CAST: variants seen among roughly 807,000 people sequenced by gnomAD.
CAST encodes the protein MIR583 host.
In CAST, 76 loss-of-function variants were observed where a neutral mutation model predicts 119.6. The observed-to-expected ratio is 0.64, with a 90% CI of 0.53 to 0.77. CAST has a LOEUF of 0.77. Among genes scored for constraint, CAST ranks in the 30% least tolerant of loss-of-function variants. The pLI is 0.00. For synonymous variants in CAST, 319 were observed against 331.6 expected (o/e 0.96, Z 0.41); for missense variants, 953 against 946.5 (o/e 1.01, Z -0.09).
chr5:96,170,403 T>A, the CAST span, among the ~76,000 whole-genome samples: 1 of 152,216 alleles, frequency 6.6e-6, no homozygotes, highest in African/African-American at 2.4e-5. Context: ...TTTGGAGTTC[T>A]TGTGTGCTGG....
the CAST span, among the ~76,000 whole-genome samples, chr5:96,193,214 G>A: frequency 2.6e-5 from 4 of 152,046 alleles, no homozygotes; most frequent in East Asian, 7.7e-4. Context: ...TACAGATGCA[G>A]TGAAGTATGT....
the CAST span, among the ~76,000 whole-genome samples, chr5:96,093,472 C>T: frequency 2.0e-5 from 3 of 152,182 alleles, no homozygotes; most frequent in Admixed American, 1.3e-4. Flanking sequence ...GCATGTCTTG[C>T]GTGTTCATGG....
At chr5:96,460,303 G>C in the CAST span, among the ~76,000 whole-genome samples, 1 of 152,082 alleles carries the variant, frequency 6.6e-6, no homozygotes, top group East Asian at 1.9e-4. Context: ...GAGAAGAATT[G>C]TAAGGAGAAT....
At chr5:96,409,041 A>C in the CAST span, among the ~76,000 whole-genome samples, 3 of 152,226 alleles carry the variant, frequency 2.0e-5, no homozygotes, top group Non-Finnish European at 4.4e-5. Flanking sequence ...CTCATATGCG[A>C]GACTTACCCG....
At chr5:96,546,768 C>T (rs541079288) in intron 1 of CAST, among the ~76,000 whole-genome samples, 1 of 152,288 alleles carries the variant, frequency 6.6e-6, no homozygotes, top group South Asian at 2.1e-4. Context: ...AAAGGCCCAT[C>T]GAGTATTGTA....
At chr5:96,115,851 G>A in the CAST span, among the ~76,000 whole-genome samples, 182 of 151,818 alleles carry the variant, frequency 1.2e-3, 1 homozygote, top group African/African-American at 3.6e-3. Context: ...GAAGTACCCA[G>A]ACTATTTCAA....
At chr5:96,654,716 G>A (rs967437010) in intron 1 of CAST, among the ~76,000 whole-genome samples, 22 of 151,972 alleles carry the variant, frequency 1.4e-4, no homozygotes, top group Non-Finnish European at 1.0e-4. Context: ...AAACAAAAAA[G>A]GGGCATCTGG....
At chr5:95,985,279 A>G in the CAST span, among the ~76,000 whole-genome samples, 3 of 152,194 alleles carry the variant, frequency 2.0e-5, no homozygotes, top group Non-Finnish European at 2.9e-5. Context: ...GTGCCACTGT[A>G]CTCCAGCCTG....
chr5:96,302,206 C>CTGG, the CAST span, among the ~76,000 whole-genome samples: 1 of 152,194 alleles, frequency 6.6e-6, no homozygotes, highest in East Asian at 1.9e-4. Flanking sequence ...CCTTTTAGCA[C>CTGG]AGCTGGAGCT....
chr5:96,198,387 T>G, the CAST span, among the ~76,000 whole-genome samples: 1 of 152,142 alleles, frequency 6.6e-6, no homozygotes, highest in Non-Finnish European at 1.5e-5. Context: ...TTAGGCTGTC[T>G]CATACTTATT....
the CAST span, among the ~76,000 whole-genome samples, chr5:96,413,963 C>CA: frequency 0.15 from 3,442 of 22,396 alleles, 163 homozygotes; most frequent in East Asian, 0.17. Flanking sequence ...ACTAAAAATA[C>CA]AAAAAAAAAA....
the CAST span, among the ~76,000 whole-genome samples, chr5:96,431,051 T>G: frequency 6.6e-6 from 1 of 152,198 alleles, no homozygotes; most frequent in Non-Finnish European, 1.5e-5. Flanking sequence ...CGGTTACCAG[T>G]GCTATTTAGC....
At chr5:96,569,303 G>A (rs2150186705) in intron 1 of CAST, among the ~76,000 whole-genome samples, 1 of 152,296 alleles carries the variant, frequency 6.6e-6, no homozygotes, top group Non-Finnish European at 1.5e-5. Flanking sequence ...ATGTCAGAGT[G>A]GGAAGCATTC....
intron 10 of CAST, among the ~76,000 whole-genome samples, chr5:96,737,520 G>A (rs992558275): frequency 1.3e-5 from 2 of 152,070 alleles, no homozygotes; most frequent in African/African-American, 2.4e-5. Context: ...GTTTTGTTTT[G>A]TTTTGTTTTT....
At chr5:96,560,462 C>G (rs1439020691) in intron 1 of CAST, among the ~76,000 whole-genome samples, 1 of 152,066 alleles carries the variant, frequency 6.6e-6, no homozygotes, top group Non-Finnish European at 1.5e-5. Flanking sequence ...ACTCATCTGA[C>G]AAAGGGCTAA....
intron 1 of CAST, among the ~76,000 whole-genome samples, chr5:96,664,421 A>G (rs1243719828): frequency 6.6e-6 from 1 of 152,002 alleles, no homozygotes; most frequent in Non-Finnish European, 1.5e-5. Flanking sequence ...ATATGCACAC[A>G]CACACACACA....
chr5:96,478,687 T>G, the CAST span, among the ~76,000 whole-genome samples: 1 of 152,256 alleles, frequency 6.6e-6, no homozygotes, highest in African/African-American at 2.4e-5. Flanking sequence ...CTCTCTTGTT[T>G]CGAACATCTG....
At chr5:96,098,953 G>T in the CAST span, among the ~76,000 whole-genome samples, 1 of 152,190 alleles carries the variant, frequency 6.6e-6, no homozygotes, top group African/African-American at 2.4e-5. Context: ...TCCTATCCAT[G>T]AGCATGGAAT....
the CAST span, among the ~76,000 whole-genome samples, chr5:96,292,445 G>A: frequency 2.6e-5 from 4 of 152,164 alleles, no homozygotes; most frequent in African/African-American, 9.7e-5. Flanking sequence ...CAGGCCACTG[G>A]TCTTATCACC....
Sources: gnomAD v4.1 joint callset for allele counts (sites outside exome capture counted in the v4.1 genomes callset) on GRCh38, gnomAD v4.1.1 for gene constraint, MANE v1.5 for transcripts, NCBI Gene and HGNC (gene_info 2026-07-23, HGNC 2026-07-21) for gene names.